Variants in ATP10B observed in about 807,000 individuals in gnomAD.
ATP10B encodes the protein phospholipid-transporting ATPase VB.
In ATP10B, 122 loss-of-function variants were observed where a neutral mutation model predicts 141.2. That is an observed-to-expected ratio of 0.86 (90% confidence interval 0.75 to 1.00). ATP10B has a LOEUF of 1.00. Among genes scored for constraint, ATP10B ranks in the 50% least tolerant of loss-of-function variants. The probability of loss-of-function intolerance (pLI) is 0.00; values close to 1 mark genes in which losing one functional copy is unlikely to be tolerated. For synonymous variants in ATP10B, 685 were observed against 692.0 expected (o/e 0.99, Z 0.16); for missense variants, 1,876 against 1,825.3 (o/e 1.03, Z -0.51).
intron 7 of ATP10B, among the ~76,000 whole-genome samples, chr5:160,664,927 C>T (rs532704941): frequency 3.3e-5 from 5 of 152,148 alleles, no homozygotes; most frequent in Admixed American, 2.0e-4. Flanking sequence ...TAGGTTAAAA[C>T]TCTTTTACAG....
At chr5:160,672,696 GC>G (rs1206194236) in intron 6 of ATP10B, among the ~76,000 whole-genome samples, 1 of 152,242 alleles carries the variant, frequency 6.6e-6, no homozygotes, top group Non-Finnish European at 1.5e-5. Context: ...CTGATGCTGA[GC>G]CCCTCTGGGC....
At chr5:160,673,086 C>T (rs982529438) in intron 6 of ATP10B, among the ~76,000 whole-genome samples, 2 of 152,198 alleles carry the variant, frequency 1.3e-5, no homozygotes, top group African/African-American at 4.8e-5. Flanking sequence ...TCTGGGAGCT[C>T]AGTGCAGCAG....
At chr5:160,614,591 T>C (rs1036641474) in intron 17 of ATP10B, 2 of 152,202 alleles carry the variant, frequency 1.3e-5, no homozygotes, top group Admixed American at 1.3e-4. Flanking sequence ...GGGGACCTTA[T>C]GAGGTAGCAA....
the ATP10B span, among the ~76,000 whole-genome samples, chr5:160,899,961 C>A: frequency 1.3e-5 from 2 of 152,200 alleles, no homozygotes; most frequent in African/African-American, 4.8e-5. Flanking sequence ...AGGAATCCCC[C>A]ATCAGCCACT....
At chr5:160,668,408 T>C (rs1472956229) in intron 7 of ATP10B, among the ~76,000 whole-genome samples, 1 of 152,150 alleles carries the variant, frequency 6.6e-6, no homozygotes, top group Non-Finnish European at 1.5e-5. Context: ...TCATTGTTAC[T>C]GTTGAAAAGA....
the ATP10B span, among the ~76,000 whole-genome samples, chr5:160,871,693 G>A: frequency 2.9e-3 from 440 of 152,170 alleles, 1 homozygote; most frequent in African/African-American, 6.9e-3. Flanking sequence ...TGCAAATGCC[G>A]TTAATTCATT....
At chr5:160,883,356 CACTT>C in the ATP10B span, among the ~76,000 whole-genome samples, 22 of 152,278 alleles carry the variant, frequency 1.4e-4, no homozygotes, top group African/African-American at 5.3e-4. Context: ...AGGACAGAAT[CACTT>C]TAACTACAGG....
intron 16 of ATP10B, 57 bp from the exon 17 acceptor site, chr5:160,616,021 C>T (rs557862281): frequency 1.9e-6 from 3 of 1,559,546 alleles, no homozygotes; most frequent in Non-Finnish European, 2.6e-6. Context: ...AGATAATTTC[C>T]TCTCTCTTCC....
chr5:160,709,093 TTTCTAC>T (rs1399479870), intron 3 of ATP10B, among the ~76,000 whole-genome samples: 4 of 152,180 alleles, frequency 2.6e-5, no homozygotes, highest in African/African-American at 4.8e-5. Flanking sequence ...CAAAAACTTG[TTTCTAC>T]TTCAACACAA....
the ATP10B span, among the ~76,000 whole-genome samples, chr5:160,911,624 G>T: frequency 6.6e-6 from 1 of 152,188 alleles, no homozygotes; most frequent in Non-Finnish European, 1.5e-5. Flanking sequence ...CTGCTGCATT[G>T]ATAGCCTGTG....
the ATP10B span, among the ~76,000 whole-genome samples, chr5:160,901,247 G>A: frequency 1.4e-4 from 21 of 151,982 alleles, no homozygotes; most frequent in African/African-American, 5.1e-4. Flanking sequence ...TTCTGGGTTT[G>A]GAACTTCCAT....
At chr5:160,629,872 G>T (rs932902683) in intron 13 of ATP10B, among the ~76,000 whole-genome samples, 1 of 152,178 alleles carries the variant, frequency 6.6e-6, no homozygotes, top group African/African-American at 2.4e-5. Flanking sequence ...TTAGCCTGCA[G>T]GTCAGCAAAA....
At chr5:160,700,011 A>G (rs1561767937) in intron 3 of ATP10B, among the ~76,000 whole-genome samples, 1 of 152,190 alleles carries the variant, frequency 6.6e-6, no homozygotes, top group African/African-American at 2.4e-5. Context: ...AGAAGTCATG[A>G]AGAAGGGGCT....
rs1015430060 is a variant in ATP10B at position 160,564,206 on chromosome 5, C to A, written c.*1247G>T. On this transcript the variant is annotated 3_prime_UTR_variant, in exon 26 of 26. Transcript: ENST00000327245. ...TACTAGCTTAAGGTGGCTCAGTAAC[C>A]CTTTCTGGCTTATTTTACAAGACTA... The A allele has an allele frequency of 6.6e-6, 1 of 152,116 alleles. No individual in the cohort carries two copies. The highest frequency in any genetic ancestry group is 1.5e-5 in the Non-Finnish European group (1 of 68,024). The allele number at this position is 152,116 out of a possible 1,614,324, so 9.4% of individuals were successfully genotyped here. A position where few individuals can be genotyped will look rare whatever the true frequency, so the allele number is the denominator to read the frequency against.
intron 2 of ATP10B, among the ~76,000 whole-genome samples, chr5:160,718,232 T>C (rs531907171): frequency 2.6e-5 from 4 of 152,232 alleles, no homozygotes; most frequent in South Asian, 4.1e-4. Flanking sequence ...CTAAACTAGG[T>C]GACTAGTTTT....
At chr5:160,868,440 T>C in the ATP10B span, among the ~76,000 whole-genome samples, 4 of 151,962 alleles carry the variant, frequency 2.6e-5, no homozygotes, top group Admixed American at 6.6e-5. Flanking sequence ...GCCACTGTTA[T>C]GAAGTTTGTG....
At chr5:160,760,010 T>C (rs11135112) in intron 2 of ATP10B, among the ~76,000 whole-genome samples, 47,635 of 151,766 alleles carry the variant, frequency 0.31, 7,762 homozygotes, top group Non-Finnish European at 0.36. Context: ...GGTCTTGGAC[T>C]CTGTCTTTTA....
intron 7 of ATP10B, among the ~76,000 whole-genome samples, chr5:160,653,584 T>C (rs1342238456): frequency 9.1e-5 from 2 of 21,922 alleles, no homozygotes; most frequent in Non-Finnish European, 1.5e-4. Context: ...CATATATACA[T>C]ATATACATAT....
chr5:160,584,520 C>A (rs759619986), intron 24 of ATP10B, among the ~76,000 whole-genome samples: 4 of 152,112 alleles, frequency 2.6e-5, no homozygotes, highest in Non-Finnish European at 5.9e-5. Context: ...TTCATCTTTC[C>A]TACATCTGCA....
Sources: gnomAD v4.1 joint callset for allele counts (sites outside exome capture counted in the v4.1 genomes callset) on GRCh38, gnomAD v4.1.1 for gene constraint, MANE v1.5 for transcripts, NCBI Gene and HGNC (gene_info 2026-07-23, HGNC 2026-07-21) for gene names.